The following PLB1 variants were observed in gnomAD, a reference collection of about 807,000 sequenced individuals.
PLB1 encodes phospholipase B1, membrane-associated.
In PLB1, 242 loss-of-function variants were observed where a neutral mutation model predicts 227.4. That is an observed-to-expected ratio of 1.06 (90% CI 0.96 to 1.18). PLB1 has a LOEUF of 1.18. PLB1 is among the 50% of genes most tolerant of loss of function. The probability of loss-of-function intolerance (pLI) is 0.00; values close to 1 mark genes in which losing one functional copy is unlikely to be tolerated. For synonymous variants in PLB1, 757 were observed against 682.2 expected (o/e 1.11, Z -1.71); for missense variants, 1,858 against 1,816.3 (o/e 1.02, Z -0.42).
intron 20 of PLB1, among the ~76,000 whole-genome samples, chr2:28,567,312 C>T (rs967272452): frequency 1.4e-4 from 22 of 152,284 alleles, no homozygotes; most frequent in Non-Finnish European, 2.6e-4. Flanking sequence ...CACAGCTGCG[C>T]ACAGATATTG....
intron 18 of PLB1, among the ~76,000 whole-genome samples, chr2:28,564,806 A>G (rs1194705040): frequency 6.6e-6 from 1 of 152,182 alleles, no homozygotes; most frequent in Non-Finnish European, 1.5e-5. Flanking sequence ...GAGTGTCCAC[A>G]TTGTGCTTTC....
intron 26 of PLB1, 75 bp from the exon 27 acceptor site, chr2:28,589,375 G>T: frequency 1.8e-6 from 2 of 1,102,386 alleles, no homozygotes; most frequent in Non-Finnish European, 2.8e-6. Context: ...ATTCTGTGTT[G>T]GAGAAAGAGA....
At chr2:28,599,357 G>C (rs758916540) in intron 35 of PLB1, among the ~76,000 whole-genome samples, 2 of 152,224 alleles carry the variant, frequency 1.3e-5, no homozygotes, top group Non-Finnish European at 2.9e-5. Context: ...TGCAGCTCCT[G>C]GCTCAGCCAT....
At position 28,625,121 on chromosome 2, in the gene PLB1, C is replaced by A. The variant is rs779081490; in HGVS notation, c.3579+13C>A. ...GAAAAACAGCCCCGTGAGTACAGGC[C>A]CCCAGGCCACCCCTGAAAGGTGCCC... On this transcript the variant is annotated intron_variant, in intron 50 of 57. Coordinates refer to ENST00000327757, the MANE Select transcript of PLB1 (RefSeq NM_153021.5). 14 of 1,609,402 alleles carry A rather than the reference C, an allele frequency of 8.7e-6. No individual in the cohort carries two copies. In the South Asian group the frequency reaches 1.5e-4, roughly 18 times the overall value.
At chr2:28,602,782 T>C (rs2148301196) in intron 38 of PLB1, 39 bp from the exon 39 acceptor site, 1 of 1,575,230 alleles carries the variant, frequency 6.3e-7, no homozygotes, top group South Asian at 1.1e-5. Context: ...CAGGAAGAAG[T>C]GCCTGGAGCC....
chr2:28,589,313 C>G, intron 26 of PLB1, 137 bp from the exon 27 acceptor site: 1 of 657,510 alleles, frequency 1.5e-6, no homozygotes, highest in Non-Finnish European at 2.7e-6. Flanking sequence ...TGTAAAATCT[C>G]AGTTGAGATT....
In PLB1 at chr2:28,624,948, T is replaced by G; in HGVS notation, c.3528-109T>G. 2.9e-6 allele frequency: 3 copies of G among 1,020,216 alleles called. No homozygotes were observed. The South Asian group carries it at 4.1e-5, about 14-fold the overall frequency. 63.2% of individuals were successfully genotyped at this position (1,020,216 alleles called of 1,614,324 possible). A position where few individuals can be genotyped will look rare whatever the true frequency, so the allele number is the denominator to read the frequency against. On this transcript the variant is annotated intron_variant, in intron 49 of 57. Coordinates refer to ENST00000327757, the MANE Select transcript of PLB1 (RefSeq NM_153021.5). ...CTTGAGAATGGAATGACCTTTGTAC[T>G]GGTAACATCATTCTTCTTGAAACAC...
At position 28,500,564 on chromosome 2, in the gene PLB1, T is replaced by A. The variant is rs190030769; in HGVS notation, c.55+4395T>A. Among the ~76,000 whole-genome samples the A allele has an allele frequency of 2.6e-5, 4 of 152,238 alleles. No individual in the cohort carries two copies. The East Asian group carries it at 7.7e-4, about 29-fold the overall frequency. ...CTTCCTTCTGCTATTGTCAGTTGGG[T>A]TTCCTCCATAAAAAAGAGATTCCCT... is the stretch of plus-strand genomic sequence containing the variant. On this transcript the variant is annotated intron_variant, in intron 1 of 57. Transcript: ENST00000327757.
intron 23 of PLB1, among the ~76,000 whole-genome samples, chr2:28,580,758 A>C (rs1573133629): frequency 6.6e-6 from 1 of 150,522 alleles, no homozygotes; most frequent in Admixed American, 6.6e-5. Context: ...GGTGTGTGGG[A>C]AAGGGGGTTG....
intron 35 of PLB1, among the ~76,000 whole-genome samples, chr2:28,600,040 T>C (rs1015393731): frequency 2.6e-5 from 4 of 152,150 alleles, no homozygotes; most frequent in African/African-American, 9.7e-5. Context: ...CCCTAGTAGT[T>C]GGGACTACAG....
intron 14 of PLB1, among the ~76,000 whole-genome samples, chr2:28,546,570 C>A (rs938678964): frequency 2.6e-5 from 4 of 152,104 alleles, no homozygotes; most frequent in African/African-American, 9.7e-5. Context: ...ATTTATGGGA[C>A]CCACAGTGTG....
At chr2:28,499,746 G>T (rs754661882) in intron 1 of PLB1, among the ~76,000 whole-genome samples, 3 of 152,072 alleles carry the variant, frequency 2.0e-5, no homozygotes, top group Admixed American at 2.0e-4. Flanking sequence ...TTAGCCAGAC[G>T]TGATGGCGGT....
intron 5 of PLB1, 127 bp downstream of exon 5, chr2:28,525,434 G>C: frequency 3.8e-6 from 4 of 1,053,738 alleles, no homozygotes; most frequent in Non-Finnish European, 5.6e-6. Context: ...GCTACCCTCT[G>C]AGAAGGTAGC....
chr2:28,520,232 CTT>C (rs57897168), intron 4 of PLB1, among the ~76,000 whole-genome samples: 877 of 148,372 alleles, frequency 5.9e-3, no homozygotes, highest in Middle Eastern at 0.01. Flanking sequence ...CCAGCCGAAT[CTT>C]TTTTTTTTTT....
intron 26 of PLB1, among the ~76,000 whole-genome samples, chr2:28,587,621 A>T (rs890793310): frequency 6.8e-6 from 1 of 147,924 alleles, no homozygotes; most frequent in African/African-American, 2.5e-5. Context: ...AAAAAAAAAA[A>T]TCAAAATCAG....
In PLB1 at chr2:28,632,091, C is replaced by T. The variant is rs2199619; in HGVS notation, c.3953C>T (p.Ala1318Val). Residue 1318 changes from alanine (A) to valine (V), a missense_variant, in exon 55 of 58, where the codon GCG becomes GTG. By Grantham distance (64) the Ala-to-Val change is moderately conservative (BLOSUM62 0). Coordinates refer to ENST00000327757, the MANE Select transcript of PLB1 (RefSeq NM_153021.5). ...CAATACACACAGCGTGAGGACTTTGCGGTTGTGGTGCAGCCTTTCTTCCAA... is the reference window on the plus strand; with the variant it reads ...CAATACACACAGCGTGAGGACTTTGTGGTTGTGGTGCAGCCTTTCTTCCAA... ...WHQYTQREDF[A>V]VVVQPFFQNT... 0.27 allele frequency: 431,736 copies of T among 1,612,722 alleles called. 58,272 individuals carry two copies. The highest frequency in any genetic ancestry group is 0.3 in the East Asian group (13,559 of 44,846).
At chr2:28,599,050 C>T (rs981646737) in intron 35 of PLB1, among the ~76,000 whole-genome samples, 16 of 152,232 alleles carry the variant, frequency 1.1e-4, no homozygotes, top group Non-Finnish European at 2.4e-4. Context: ...GTTTACAACT[C>T]ACCAAGGCAC....
chr2:28,563,951 C>A (rs2148239875), intron 18 of PLB1, among the ~76,000 whole-genome samples: 1 of 152,200 alleles, frequency 6.6e-6, no homozygotes, highest in African/African-American at 2.4e-5. Context: ...TAGATTCAAC[C>A]AATAAAGGCT....
Position 28,632,121 on chromosome 2 carries a change from C to G in PLB1, c.3983C>G (p.Thr1328Arg). The G allele has an allele frequency of 6.2e-7, 1 of 1,613,736 alleles. No individual in the cohort carries two copies. The highest frequency in any genetic ancestry group is 8.5e-7 in the Non-Finnish European group (1 of 1,179,632). ...AVVVQPFFQNTLTPLNERGDT... is the reference protein window; with the variant it reads ...AVVVQPFFQNRLTPLNERGDT... ...GTGGTGCAGCCTTTCTTCCAAAACA[C>G]ACTCACCCCACTGAACGAGGTGAGC... is the stretch of plus-strand genomic sequence containing the variant. The change falls in exon 55 of 58, where the codon ACA becomes AGA. Residue 1328 changes from threonine (T) to arginine (R), a missense_variant. Thr to Arg is a moderately conservative substitution (Grantham distance 71). Transcript: ENST00000327757.
Sources: allele counts gnomAD v4.1 joint callset (sites outside exome capture counted in the v4.1 genomes callset), GRCh38; gene constraint gnomAD v4.1.1; transcripts MANE v1.5; gene names NCBI Gene and HGNC (gene_info 2026-07-23, HGNC 2026-07-21).